VPS8: variants seen among roughly 807,000 people sequenced by gnomAD.
The protein encoded by VPS8 is vacuolar protein sorting-associated protein 8 homolog.
A neutral mutation model predicts 216.4 loss-of-function variants in VPS8; 129 were observed. That is an observed-to-expected ratio of 0.60 (90% confidence interval 0.52 to 0.69). The LOEUF (loss-of-function observed/expected upper bound fraction) is 0.69, where lower values mean the gene tolerates loss of function less well. Among genes scored for constraint, VPS8 ranks in the 30% least tolerant of loss-of-function variants. VPS8 has a pLI of 0.00. For synonymous variants in VPS8, 571 were observed against 565.4 expected, an observed-to-expected ratio of 1.01 and a Z score of -0.14; for missense variants, 1,531 against 1,683.5, an observed-to-expected ratio of 0.91 and a Z score of 1.59.
intron 45 of VPS8, among the ~76,000 whole-genome samples, chr3:185,015,257 G>A (rs1755627974): frequency 6.6e-6 from 1 of 152,188 alleles, no homozygotes; most frequent in South Asian, 2.1e-4. Context: ...TGCAGTTAAT[G>A]GTCCTGGAAG....
intron 14 of VPS8, among the ~76,000 whole-genome samples, chr3:184,858,322 G>T (rs1397283394): frequency 6.6e-6 from 1 of 152,088 alleles, no homozygotes; most frequent in African/African-American, 2.4e-5. Context: ...CAAAAAGTTT[G>T]TGGAAAAATG....
chr3:184,920,699 T>C (rs1416485304), intron 29 of VPS8, among the ~76,000 whole-genome samples: 2 of 152,216 alleles, frequency 1.3e-5, no homozygotes, highest in African/African-American at 4.8e-5. Flanking sequence ...ATTGATGCTG[T>C]TGCTAATGAA....
intron 4 of VPS8, among the ~76,000 whole-genome samples, chr3:184,833,726 T>TTTACATC (rs1228948323): frequency 9.9e-5 from 15 of 152,186 alleles, no homozygotes; most frequent in African/African-American, 3.4e-4. Context: ...ACTGTACACC[T>TTTACATC]TTACATCTTC....
In VPS8 at chr3:185,038,369, T is replaced by A. The variant is rs770365062; in HGVS notation, c.4057-10110T>A. 1.3e-5 allele frequency among the ~76,000 whole-genome samples: 2 copies of A among 152,246 alleles called. 1 individual carries two copies. The highest frequency in any genetic ancestry group is 4.1e-4 in the South Asian group (2 of 4,834). On this transcript the variant is annotated intron_variant, in intron 46 of 47. Transcript: ENST00000625842. ...CTAACGCCTTAGGACATAAATTGTT[T>A]ATAAACTAATCCAGTCAAATTGCAG...
intron 41 of VPS8, 81 bp from the exon 42 acceptor site, chr3:184,982,931 A>G (rs1196332932): frequency 1.4e-5 from 18 of 1,244,636 alleles, no homozygotes; most frequent in Non-Finnish European, 1.9e-5. Context: ...ATATAAATGC[A>G]CTGTTTTTCC....
chr3:184,999,577 C>T (rs1577108139), intron 44 of VPS8, 119 bp from the exon 45 acceptor site: 1 of 1,211,310 alleles, frequency 8.3e-7, no homozygotes. Flanking sequence ...TTACCCTGTA[C>T]AGCCATCAGT....
intron 5 of VPS8, among the ~76,000 whole-genome samples, chr3:184,838,204 G>A (rs1560324146): frequency 6.6e-6 from 1 of 152,162 alleles, no homozygotes; most frequent in Non-Finnish European, 1.5e-5. Context: ...AAGGAGCTGG[G>A]ACTAGTACTT....
At chr3:185,039,408 C>G (rs1252820060) in intron 46 of VPS8, among the ~76,000 whole-genome samples, 1 of 151,046 alleles carries the variant, frequency 6.6e-6, no homozygotes, top group Non-Finnish European at 1.5e-5. Context: ...GAGCCTCAGG[C>G]TGCCTCCACT....
intron 25 of VPS8, among the ~76,000 whole-genome samples, chr3:184,912,037 T>G (rs1471894350): frequency 2.0e-5 from 3 of 152,236 alleles, no homozygotes; most frequent in Non-Finnish European, 4.4e-5. Context: ...AATTGTTTGT[T>G]TCCCTGTAAC....
chr3:184,923,863 A>G (rs573069902), intron 29 of VPS8, among the ~76,000 whole-genome samples: 112 of 152,252 alleles, frequency 7.4e-4, no homozygotes, highest in African/African-American at 2.4e-3. Context: ...CTTAAAAGCT[A>G]TTCTTCTCAT....
At chr3:185,045,114 G>C (rs1297296897) in intron 46 of VPS8, among the ~76,000 whole-genome samples, 1 of 49,424 alleles carries the variant, frequency 2.0e-5, no homozygotes, top group African/African-American at 8.9e-5. Context: ...AGGGAGAAAA[G>C]GTGGAAATAT....
At chr3:185,016,618 T>C (rs1182093972) in intron 45 of VPS8, among the ~76,000 whole-genome samples, 1 of 152,226 alleles carries the variant, frequency 6.6e-6, no homozygotes, top group Non-Finnish European at 1.5e-5. Context: ...CTATGACTAT[T>C]AAAGGCCAAT....
At chr3:184,918,359 A>G (rs185886868) in intron 28 of VPS8, among the ~76,000 whole-genome samples, 4 of 152,322 alleles carry the variant, frequency 2.6e-5, no homozygotes, top group Non-Finnish European at 5.9e-5. Context: ...ATGACTTACA[A>G]CTTGGGTTTT....
At chr3:184,907,198 T>C (rs546772545) in intron 25 of VPS8, among the ~76,000 whole-genome samples, 2 of 152,328 alleles carry the variant, frequency 1.3e-5, no homozygotes, top group Non-Finnish European at 2.9e-5. Context: ...TAGAAGTAGG[T>C]AAGAGACAAA....
At chr3:184,860,464 CACAT>C (rs946196731) in intron 15 of VPS8, among the ~76,000 whole-genome samples, 3 of 78,122 alleles carry the variant, frequency 3.8e-5, no homozygotes, top group Non-Finnish European at 7.0e-5. Context: ...TGTATACACA[CACAT>C]ACACACACAC....
At position 184,881,342 on chromosome 3, in the gene VPS8, G is replaced by A. The variant is rs143159435; in HGVS notation, c.1735-4768G>A. On this transcript the variant is annotated intron_variant, in intron 21 of 47. Transcript: ENST00000625842. ...TTACATAAGATATGAGACTGAGGTC[G>A]AAGTTCCTTTGTGTGTGTGTATAGA... 3.9e-5 allele frequency among the ~76,000 whole-genome samples: 6 copies of A among 152,210 alleles called. No homozygotes were observed. The East Asian group carries it at 7.7e-4, about 20-fold the overall frequency.
intron 35 of VPS8, among the ~76,000 whole-genome samples, chr3:184,939,892 A>T (rs896713730): frequency 6.6e-6 from 1 of 151,980 alleles, no homozygotes; most frequent in Non-Finnish European, 1.5e-5. Flanking sequence ...AGCACCTGCC[A>T]CTCCGAGGGT....
At chr3:184,998,465 A>T (rs1752914249) in intron 44 of VPS8, among the ~76,000 whole-genome samples, 2 of 79,150 alleles carry the variant, frequency 2.5e-5, no homozygotes, top group Non-Finnish European at 5.7e-5. Flanking sequence ...ACAACAGAGT[A>T]TAGAAGAGGA....
intron 40 of VPS8, among the ~76,000 whole-genome samples, chr3:184,977,328 T>A (rs1383395425): frequency 6.6e-6 from 1 of 152,222 alleles, no homozygotes; most frequent in African/African-American, 2.4e-5. Context: ...CTTGTTGATG[T>A]AAGTTCCTTA....
Sources: gnomAD v4.1 joint callset for allele counts (sites outside exome capture counted in the v4.1 genomes callset) on GRCh38, gnomAD v4.1.1 for gene constraint, MANE v1.5 for transcripts, NCBI Gene and HGNC (gene_info 2026-07-23, HGNC 2026-07-21) for gene names.